The following GOLM1 variants were observed in gnomAD, a reference collection of about 807,000 sequenced individuals.
The protein encoded by GOLM1 is epididymis luminal protein 46.
GOLM1 carries 31 observed loss-of-function variants against 50.5 expected under a neutral mutation model. The ratio of observed to expected loss-of-function variants is 0.61; its 90% confidence interval spans 0.46 to 0.83. The LOEUF is 0.83. GOLM1 is among the 40% of genes least tolerant of loss of function. GOLM1 has a pLI of 0.00. For missense variants in GOLM1, 491 were observed against 501.3 expected, an observed-to-expected ratio of 0.98 and a Z score of 0.20; for synonymous variants, 178 against 192.8, an observed-to-expected ratio of 0.92 and a Z score of 0.64.
intron 1 of GOLM1, among the ~76,000 whole-genome samples, chr9:86,098,610 A>G (rs998421861): frequency 6.6e-6 from 1 of 152,276 alleles, no homozygotes; most frequent in East Asian, 1.9e-4. Flanking sequence ...GTCCAGCATC[A>G]TCATGGTATT....
At chr9:86,052,257 A>T (rs545735687) in intron 4 of GOLM1, among the ~76,000 whole-genome samples, 1 of 152,338 alleles carries the variant, frequency 6.6e-6, no homozygotes, top group South Asian at 2.1e-4. Flanking sequence ...ATAACAGAAC[A>T]TGTACCTATC....
intron 2 of GOLM1, 36 bp downstream of exon 2, chr9:86,079,156 C>T (rs1563965652): frequency 6.8e-7 from 1 of 1,477,788 alleles, no homozygotes; most frequent in East Asian, 2.5e-5. Context: ...AAAACATAAA[C>T]ATAAAATAAA....
chr9:86,060,928 A>C lies in GOLM1; in HGVS notation c.310-8337T>G, dbSNP rs962002001. On this transcript the variant is annotated intron_variant, in intron 3 of 9. Coordinates refer to ENST00000388712, the MANE Select transcript of GOLM1 (RefSeq NM_016548.4). ...AAAAAAAAAAAAGAAGAAGAAGAAG[A>C]AGTTACACAACACAGAAATGTTGTG... Among the ~76,000 whole-genome samples, 5 of 142,990 alleles carry C rather than the reference A, an allele frequency of 3.5e-5. No homozygotes were observed. In the South Asian group the frequency reaches 6.8e-4, roughly 19 times the overall value. The allele number at this position is 142,990 out of a possible 152,430, so 93.8% of individuals were successfully genotyped here.
chr9:86,041,108 AT>A (rs969673218), intron 5 of GOLM1, among the ~76,000 whole-genome samples: 3 of 151,782 alleles, frequency 2.0e-5, no homozygotes, highest in Non-Finnish European at 2.9e-5. Context: ...TAGGCAGAAA[AT>A]TTTTTTTTAA....
At chr9:86,057,326 A>G (rs890817584) in intron 3 of GOLM1, among the ~76,000 whole-genome samples, 4 of 152,364 alleles carry the variant, frequency 2.6e-5, no homozygotes, top group African/African-American at 7.2e-5. Context: ...TGAAAGCTCA[A>G]TAAGATGTAG....
At chr9:86,085,453 G>GTTTTTT (rs11397922) in intron 1 of GOLM1, among the ~76,000 whole-genome samples, 1 of 93,184 alleles carries the variant, frequency 1.1e-5, no homozygotes, top group Non-Finnish European at 2.0e-5. Context: ...CAAAGTTTTT[G>GTTTTTT]TTTTTTTTTT....
Position 86,046,525 on chromosome 9 carries a change from C to T in GOLM1, c.412G>A (p.Val138Ile), listed in dbSNP as rs147300680. 1.6e-3 allele frequency: 2,528 copies of T among 1,613,590 alleles called. 6 individuals carry two copies. The highest frequency in any genetic ancestry group is 1.9e-3 in the Non-Finnish European group (2,270 of 1,179,596). Residue 138 changes from valine to isoleucine, a missense_variant, in exon 5 of 10, where the codon GTC (valine) becomes ATC (isoleucine). Physicochemically the swap from Val to Ile is conservative, Grantham distance 29. Transcript: ENST00000388712. ...QRNYGRLQQD[V>I]LQFQKNQTNL... Reference sequence around the variant, plus strand: ...GTCTGGTTCTTCTGAAACTGGAGGACATCCTGCTGCAGCCTGCCGTAATTC... The same window carrying T: ...GTCTGGTTCTTCTGAAACTGGAGGATATCCTGCTGCAGCCTGCCGTAATTC...
At chr9:86,098,668 G>C (rs1244159560) in intron 1 of GOLM1, among the ~76,000 whole-genome samples, 1 of 152,228 alleles carries the variant, frequency 6.6e-6, no homozygotes, top group African/African-American at 2.4e-5. Flanking sequence ...CATCAAAATT[G>C]TTATTCTTCA....
chr9:86,034,927 A>T, intron 8 of GOLM1: 3 of 799,976 alleles, frequency 3.8e-6, no homozygotes, highest in Non-Finnish European at 4.5e-6. Context: ...TTTTTTCTCA[A>T]TGTTCACATA....
intron 1 of GOLM1, among the ~76,000 whole-genome samples, chr9:86,086,506 C>A (rs935523973): frequency 1.3e-5 from 2 of 152,010 alleles, no homozygotes; most frequent in African/African-American, 4.8e-5. Flanking sequence ...GTTGCCATTT[C>A]TTTTGGTGTT....
intron 1 of GOLM1, chr9:86,084,782 G>A (rs916866440): frequency 1.3e-5 from 2 of 152,166 alleles, no homozygotes; most frequent in East Asian, 3.9e-4. Context: ...GGGCACGGAG[G>A]CTCATGCCTG....
intron 3 of GOLM1, among the ~76,000 whole-genome samples, chr9:86,054,186 G>A (rs977329271): frequency 5.9e-5 from 9 of 151,874 alleles, no homozygotes; most frequent in Admixed American, 5.9e-4. Context: ...CAAGCTCAAT[G>A]TAACAACTGG....
intron 1 of GOLM1, among the ~76,000 whole-genome samples, chr9:86,089,373 C>G (rs555667919): frequency 6.6e-6 from 1 of 152,128 alleles, no homozygotes; most frequent in Non-Finnish European, 1.5e-5. Context: ...TCCATTCCCC[C>G]CCTCACTTTC....
At chr9:86,064,314 C>T (rs1834244375) in intron 3 of GOLM1, among the ~76,000 whole-genome samples, 1 of 152,202 alleles carries the variant, frequency 6.6e-6, no homozygotes, top group South Asian at 2.1e-4. Flanking sequence ...CTTTTATTTT[C>T]AGGGCAGCAA....
chr9:86,082,220 A>G (rs1225189926), intron 1 of GOLM1, among the ~76,000 whole-genome samples: 1 of 150,964 alleles, frequency 6.6e-6, no homozygotes, highest in African/African-American at 2.4e-5. Context: ...AGTAGAGACG[A>G]AGTTCCCCCA....
chr9:86,053,607 TCACACACCAC>T (rs1564347446), intron 3 of GOLM1, among the ~76,000 whole-genome samples: 8 of 3,008 alleles, frequency 2.7e-3, no homozygotes, highest in African/African-American at 6.5e-3. Context: ...CACACACACA[TCACACACCAC>T]ACCAAACATC....
At chr9:86,086,756 T>C (rs372527933) in intron 1 of GOLM1, among the ~76,000 whole-genome samples, 22 of 152,178 alleles carry the variant, frequency 1.4e-4, no homozygotes, top group African/African-American at 5.1e-4. Context: ...AAAGATCAGA[T>C]GGTTGTAGAT....
chr9:86,040,502 G>A (rs372069046), intron 6 of GOLM1, among the ~76,000 whole-genome samples: 38 of 152,206 alleles, frequency 2.5e-4, no homozygotes, highest in African/African-American at 7.0e-4. Flanking sequence ...GGCTGGCTGC[G>A]AGCTTTAAAT....
Position 86,026,290 on chromosome 9 carries a change from A to G in GOLM1, c.*1527T>C, listed in dbSNP as rs1165104459. On this transcript the variant is annotated 3_prime_UTR_variant, in exon 10 of 10. Transcript: ENST00000388712. ...AAGTGAGGCTGGAAGAGGACTTAGA[A>G]GAGTATGAAAGTACTCTAAGATTTT... 3 of 985,066 alleles carry G rather than the reference A, an allele frequency of 3.0e-6. No individual in the cohort carries two copies. The East Asian group carries it at 3.4e-4, about 112-fold the overall frequency. 61.0% of individuals were successfully genotyped at this position (985,066 alleles called of 1,614,324 possible). A position where few individuals can be genotyped will look rare whatever the true frequency, so the allele number is the denominator to read the frequency against.
Sources: gnomAD v4.1 joint callset for allele counts (sites outside exome capture counted in the v4.1 genomes callset) on GRCh38, gnomAD v4.1.1 for gene constraint, MANE v1.5 for transcripts, NCBI Gene and HGNC (gene_info 2026-07-23, HGNC 2026-07-21) for gene names.